The following PRB3 variants were observed in gnomAD, a reference collection of about 807,000 sequenced individuals.
The protein encoded by PRB3 is basic salivary proline-rich protein 3.
In PRB3, 9 loss-of-function variants were observed where a neutral mutation model predicts 10.0. The observed-to-expected ratio is 0.90, with a 90% CI of 0.54 to 1.57. The LOEUF (loss-of-function observed/expected upper bound fraction) is 1.57, where lower values mean the gene tolerates loss of function less well. PRB3 is among the 40% of genes most tolerant of loss of function. The pLI is 0.00. For missense variants in PRB3, 285 were observed against 385.5 expected (o/e 0.74, Z 2.18); for synonymous variants, 89 against 138.6 (o/e 0.64, Z 2.52).
At chr12:11,268,418 C>T (rs1348932342) in intron 2 of PRB3, among the ~76,000 whole-genome samples, 1 of 152,112 alleles carries the variant, frequency 6.6e-6, no homozygotes, top group East Asian at 1.9e-4. Flanking sequence ...AACCCACTCC[C>T]GTTTTCATCT....
chr12:11,268,585 AAGC>A, intron 2 of PRB3, 45 bp downstream of exon 2: 3 of 1,555,680 alleles, frequency 1.9e-6, no homozygotes, highest in South Asian at 1.1e-5. Flanking sequence ...ATCCATTCAT[AAGC>A]AGAAGAAGAT....
chr12:11,268,666 C>T lies in PRB3; in HGVS notation c.67G>A (p.Val23Ile). Residue 23 changes from valine to isoleucine, a missense_variant and splice_region_variant, in exon 2 of 4, where the codon GTC (valine) becomes ATC (isoleucine). Physicochemically the swap from Val to Ile is conservative, Grantham distance 29. Coordinates refer to ENST00000538488, the MANE Select transcript of PRB3 (RefSeq NM_001394862.1). Reference sequence around the variant, plus strand: ...ACGGAGGGAGATTCTTCCTGGCTGACATCTAGAAGAGAAGCACAGGATGAT... The same window carrying T: ...ACGGAGGGAGATTCTTCCTGGCTGATATCTAGAAGAGAAGCACAGGATGAT... ...LSSAQSLNED[V>I]SQEESPSVIS... The T allele has an allele frequency of 2.5e-6, 4 of 1,612,430 alleles. No homozygotes were observed. Among genetic ancestry groups the T allele is most frequent in the Non-Finnish European group, 3.4e-6 (4 of 1,178,384 alleles).
chr12:11,269,283 A>G (rs193044898), intron 1 of PRB3, among the ~76,000 whole-genome samples: 1 of 152,296 alleles, frequency 6.6e-6, no homozygotes, highest in African/African-American at 2.4e-5. Flanking sequence ...TACTGAGATC[A>G]GTTTAGGATC....
At chr12:11,268,517 G>A (rs922305537) in intron 2 of PRB3, 116 bp downstream of exon 2, 10 of 1,343,606 alleles carry the variant, frequency 7.4e-6, no homozygotes, top group South Asian at 1.2e-5. Context: ...ATTATTAGGG[G>A]GACTAATATT....
intron 3 of PRB3, 107 bp from the exon 4 acceptor site, chr12:11,266,136 C>T (rs1948584508): frequency 2.5e-6 from 1 of 396,662 alleles, no homozygotes; most frequent in South Asian, 1.9e-5. Flanking sequence ...CCCATCCTCT[C>T]TCCCCAATCC....
In PRB3 at chr12:11,266,694, A is replaced by T. The variant is rs541890825; in HGVS notation, c.*17+482T>A. ...TTTAAAATTAACTTCATATTTTTCC[A>T]TTCCATTAGATATCTTTTGTTAGCT... On this transcript the variant is annotated intron_variant, in intron 3 of 3. Transcript: ENST00000538488. Among the ~76,000 whole-genome samples, 8 of 152,298 alleles carry T rather than the reference A, an allele frequency of 5.3e-5. No homozygotes were observed. In the East Asian group the frequency reaches 1.5e-3, roughly 29 times the overall value.
In PRB3 at chr12:11,268,622, T is replaced by A. The variant is rs369518521; in HGVS notation, c.100+11A>T. Reference sequence around the variant, plus strand: ...ATAGTTAAAACAGATTGAGAGTGAATTGGGATTTACCTGATATTACGGAGG... The same window carrying A: ...ATAGTTAAAACAGATTGAGAGTGAAATGGGATTTACCTGATATTACGGAGG... On this transcript the variant is annotated intron_variant, in intron 2 of 3. Coordinates refer to ENST00000538488, the MANE Select transcript of PRB3 (RefSeq NM_001394862.1). The A allele has an allele frequency of 6.0e-5, 97 of 1,603,924 alleles. No individual in the cohort carries two copies. In the African/African-American group the frequency reaches 1.2e-3, roughly 20 times the overall value.
intron 1 of PRB3, 99 bp from the exon 2 acceptor site, chr12:11,268,767 T>G: frequency 1.5e-6 from 2 of 1,369,166 alleles, no homozygotes; most frequent in Non-Finnish European, 2.1e-6. Context: ...CCACACCCCA[T>G]GCATCCCCTA....
chr12:11,268,267 G>A, intron 2 of PRB3, 119 bp from the exon 3 acceptor site: 5 of 1,521,520 alleles, frequency 3.3e-6, no homozygotes, highest in Non-Finnish European at 3.6e-6. Flanking sequence ...TGCATTTTCA[G>A]TGAAGCTCTA....
chr12:11,268,778 G>T, intron 1 of PRB3, 110 bp from the exon 2 acceptor site: 1 of 1,311,282 alleles, frequency 7.6e-7, no homozygotes, highest in Non-Finnish European at 1.1e-6. Context: ...GCATCCCCTA[G>T]GTTAGCTCAT....
intron 3 of PRB3, 41 bp from the exon 4 acceptor site, chr12:11,266,070 C>G (rs1948583836): frequency 4.4e-6 from 2 of 454,042 alleles, no homozygotes; most frequent in Non-Finnish European, 8.8e-6. Flanking sequence ...GCAGACTTGA[C>G]ATGGCAGGAA....
chr12:11,268,455 T>C (rs1384009288), intron 2 of PRB3, among the ~76,000 whole-genome samples, 178 bp downstream of exon 2: 1 of 152,174 alleles, frequency 6.6e-6, no homozygotes, highest in Non-Finnish European at 1.5e-5. Flanking sequence ...CCATTCAATT[T>C]GGTGGCCCTG....
chr12:11,268,315 T>C (rs1253586445), intron 2 of PRB3, among the ~76,000 whole-genome samples, 167 bp from the exon 3 acceptor site: 1 of 152,192 alleles, frequency 6.6e-6, no homozygotes, highest in African/African-American at 2.4e-5. Context: ...AAGGAAGCAG[T>C]TGAGGGGCTC....
chr12:11,268,681 C>A lies in PRB3; in HGVS notation c.65-13G>T. ...TCCTGGCTGACATCTAGAAGAGAAG[C>A]ACAGGATGATGGGAAAGGTTACATC... is the stretch of plus-strand genomic sequence containing the variant. On this transcript the variant is annotated splice_polypyrimidine_tract_variant and intron_variant, in intron 1 of 3. Coordinates refer to ENST00000538488, the MANE Select transcript of PRB3 (RefSeq NM_001394862.1). 3 of 1,612,688 alleles carry A rather than the reference C, an allele frequency of 1.9e-6. No individual in the cohort carries two copies. Among genetic ancestry groups the A allele is most frequent in the African/African-American group, 1.3e-5 (1 of 74,998 alleles).
In PRB3 at chr12:11,267,502, T is replaced by C; in HGVS notation, c.747A>G (p.Pro249=). ...GGGACTGGTTTCCTCCTTGTGGGGG[T>C]GGTCCTTCTGGCTTTCCTGGACGAG... The part of the protein sequence containing the change: ...PPPRPGKPEG[P]PPQGGNQSQG... The change falls in exon 3 of 4, where the codon CCA becomes CCG. Residue 249 remains proline (P), a synonymous_variant. Transcript: ENST00000538488. The C allele has an allele frequency of 2.8e-6, 2 of 703,856 alleles. No individual in the cohort carries two copies. The highest frequency in any genetic ancestry group is 3.8e-6 in the Non-Finnish European group (2 of 531,552). 43.6% of individuals were successfully genotyped at this position (703,856 alleles called of 1,614,324 possible). A position where few individuals can be genotyped will look rare whatever the true frequency, so the allele number is the denominator to read the frequency against.
In PRB3 at chr12:11,267,671, T is replaced by G. The variant is rs1948606676; in HGVS notation, c.578A>C (p.Gln193Pro). The G allele has an allele frequency of 6.5e-7, 1 of 1,529,986 alleles. No individual in the cohort carries two copies. Among genetic ancestry groups the G allele is most frequent in the Non-Finnish European group, 8.8e-7 (1 of 1,137,026 alleles). The allele number at this position is 1,529,986 out of a possible 1,614,324, so 94.8% of individuals were successfully genotyped here. ...PEGPPPQGGN[Q>P]SQGPPPRPGK... Reference sequence around the variant, plus strand: ...CGGACGAGGTGGGGGACCTTGGGACTGGTTTCCTCCTTGTGGGGGTGGTCC... The same window carrying G: ...CGGACGAGGTGGGGGACCTTGGGACGGGTTTCCTCCTTGTGGGGGTGGTCC... Residue 193 changes from glutamine to proline, a missense_variant, in exon 3 of 4, where the codon CAG (glutamine) becomes CCG (proline). This residue lies in a region of PRB3 where 30 missense variants were observed against 149.2 expected (regional missense o/e 0.20). Transcript: ENST00000538488.
At chr12:11,268,535 T>A in intron 2 of PRB3, 98 bp downstream of exon 2, 1 of 1,452,484 alleles carries the variant, frequency 6.9e-7, no homozygotes, top group South Asian at 1.1e-5. Flanking sequence ...ATTAATCAAT[T>A]TCTAAAGGAA....
At chr12:11,267,045 G>C in intron 3 of PRB3, 131 bp downstream of exon 3, 1 of 960,744 alleles carries the variant, frequency 1.0e-6, no homozygotes, top group African/African-American at 1.6e-5. Flanking sequence ...CAGAGTATCT[G>C]AATACAAATC....
intron 2 of PRB3, 136 bp from the exon 3 acceptor site, chr12:11,268,284 T>G: frequency 7.0e-7 from 1 of 1,434,246 alleles, no homozygotes; most frequent in Non-Finnish European, 9.6e-7. Context: ...TCTAGAACTC[T>G]GGAGTGGAAT....
Sources: allele counts gnomAD v4.1 joint callset (sites outside exome capture counted in the v4.1 genomes callset), GRCh38; gene constraint gnomAD v4.1.1; regional missense constraint gnomAD v4.1.1; transcripts MANE v1.5; gene names NCBI Gene and HGNC (gene_info 2026-07-23, HGNC 2026-07-21).